Variants in TMEFF2 observed in about 807,000 individuals in gnomAD.
TMEFF2 encodes transmembrane protein with EGF like and two follistatin like domains 2, also known as tomoregulin-2.
TMEFF2 carries 28 observed loss-of-function variants against 53.8 expected under a neutral mutation model. That is an observed-to-expected ratio of 0.52 (90% CI 0.39 to 0.71). TMEFF2 has a LOEUF of 0.71. Among genes scored for constraint, TMEFF2 ranks in the 30% least tolerant of loss-of-function variants. TMEFF2 has a pLI of 0.00. For missense variants in TMEFF2, 353 were observed against 455.2 expected, an observed-to-expected ratio of 0.78 and a Z score of 2.04; for synonymous variants, 162 against 166.3, an observed-to-expected ratio of 0.97 and a Z score of 0.20.
At chr2:192,130,181 G>A (rs951989302) in intron 4 of TMEFF2, among the ~76,000 whole-genome samples, 6 of 151,876 alleles carry the variant, frequency 4.0e-5, no homozygotes, top group Admixed American at 6.6e-5. Context: ...TTCCAGGATT[G>A]CAAATATAAA....
chr2:192,128,922 C>A (rs142526403), intron 4 of TMEFF2, among the ~76,000 whole-genome samples: 1 of 152,294 alleles, frequency 6.6e-6, no homozygotes, highest in African/African-American at 2.4e-5. Context: ...CAAAACTCTC[C>A]AGTGTGTGGC....
chr2:192,160,348 T>C (rs1203618726), intron 4 of TMEFF2, among the ~76,000 whole-genome samples: 2 of 152,198 alleles, frequency 1.3e-5, no homozygotes, highest in Non-Finnish European at 2.9e-5. Context: ...TAATATCCAC[T>C]TTAGTGATAG....
chr2:192,113,451 T>C (rs562023816), intron 4 of TMEFF2, among the ~76,000 whole-genome samples: 1 of 152,264 alleles, frequency 6.6e-6, no homozygotes, highest in South Asian at 2.1e-4. Context: ...ACACTGGTCT[T>C]ATGGTTACGC....
At chr2:192,043,220 T>C (rs1687528252) in intron 5 of TMEFF2, among the ~76,000 whole-genome samples, 2 of 152,164 alleles carry the variant, frequency 1.3e-5, no homozygotes, top group Admixed American at 6.5e-5. Context: ...TCTTACTTGA[T>C]TTGATAAGCA....
intron 4 of TMEFF2, among the ~76,000 whole-genome samples, chr2:192,116,809 A>G (rs1288052590): frequency 6.6e-6 from 1 of 152,064 alleles, no homozygotes. Context: ...TAAGAAATTA[A>G]AGAATCAAGA....
intron 2 of TMEFF2, among the ~76,000 whole-genome samples, chr2:192,188,057 G>A (rs1256533075): frequency 6.6e-6 from 1 of 152,130 alleles, no homozygotes; most frequent in African/African-American, 2.4e-5. Context: ...GGCTTAAGAA[G>A]AATGGCTTGG....
intron 7 of TMEFF2, among the ~76,000 whole-genome samples, chr2:191,994,422 A>G (rs35324604): frequency 0.081 from 12,338 of 151,390 alleles, 670 homozygotes; most frequent in Non-Finnish European, 0.12. Flanking sequence ...TTTTTACTGG[A>G]AAAAATATAG....
intron 5 of TMEFF2, among the ~76,000 whole-genome samples, chr2:192,050,568 G>T (rs1448202025): frequency 6.6e-6 from 1 of 150,740 alleles, no homozygotes; most frequent in Non-Finnish European, 1.5e-5. Context: ...TTATTCATTT[G>T]TCTTCCTGAG....
At chr2:192,116,850 G>A (rs898321814) in intron 4 of TMEFF2, among the ~76,000 whole-genome samples, 1 of 151,988 alleles carries the variant, frequency 6.6e-6, no homozygotes, top group Admixed American at 6.6e-5. Context: ...AAATCTCAGT[G>A]CATCATGTTA....
rs191854209 is a variant in TMEFF2 at position 192,134,956 on chromosome 2, C to T, written c.439+44712G>A. ...AGCCACCAACTTAAAAATGACTGGACAATACTTTTACCACTTTCCCTTCTC... is the reference window on the plus strand; with the variant it reads ...AGCCACCAACTTAAAAATGACTGGATAATACTTTTACCACTTTCCCTTCTC... On this transcript the variant is annotated intron_variant, in intron 4 of 9. Transcript: ENST00000272771. 8.2e-4 allele frequency among the ~76,000 whole-genome samples: 125 copies of T among 152,296 alleles called. 1 individual carries two copies. The highest frequency in any genetic ancestry group is 3.0e-3 in the African/African-American group (123 of 41,570).
chr2:192,081,983 G>A (rs983791164), intron 4 of TMEFF2, among the ~76,000 whole-genome samples: 1 of 151,888 alleles, frequency 6.6e-6, no homozygotes, highest in African/African-American at 2.4e-5. Flanking sequence ...TGTATTTTTA[G>A]TAGAGACAGG....
intron 4 of TMEFF2, 34 bp downstream of exon 4, chr2:192,179,634 T>C (rs1691137536): frequency 6.4e-7 from 1 of 1,561,918 alleles, no homozygotes; most frequent in Non-Finnish European, 8.7e-7. Context: ...TATCCACCAG[T>C]AAATCTTCAA....
intron 5 of TMEFF2, among the ~76,000 whole-genome samples, chr2:192,056,540 C>G (rs139446181): frequency 2.0e-5 from 3 of 151,986 alleles, no homozygotes; most frequent in African/African-American, 7.2e-5. Context: ...TAAGGTGGGA[C>G]GAATACAGTA....
intron 5 of TMEFF2, among the ~76,000 whole-genome samples, chr2:192,021,735 T>G (rs1686864838): frequency 2.0e-5 from 3 of 152,144 alleles, no homozygotes; most frequent in Admixed American, 2.0e-4. Flanking sequence ...GAGAAGAACT[T>G]CAAACTGAAA....
At chr2:192,192,547 T>C (rs1409281324) in intron 1 of TMEFF2, among the ~76,000 whole-genome samples, 3 of 152,198 alleles carry the variant, frequency 2.0e-5, no homozygotes, top group Non-Finnish European at 2.9e-5. Context: ...CAAATGAAGA[T>C]TGATCACCTC....
chr2:192,056,883 AAGTG>A (rs926671064), intron 5 of TMEFF2, among the ~76,000 whole-genome samples: 1 of 152,166 alleles, frequency 6.6e-6, no homozygotes, highest in Non-Finnish European at 1.5e-5. Context: ...TTTTAAGAGA[AAGTG>A]AGCTCTTATC....
chr2:191,998,266 A>C lies in TMEFF2; in HGVS notation c.741T>G (p.Tyr247Ter). 1 of 1,598,890 alleles carries C rather than the reference A, an allele frequency of 6.3e-7. No individual in the cohort carries two copies. ...SEDGHYARTD[Y>*]AENANKLEES... ...GTAGAAGAAAATATTATGTACCTGC[A>C]TAATCTGTTCTTGCATAATGCCCAT... is the stretch of plus-strand genomic sequence containing the variant. The change falls in exon 7 of 10, where the codon TAT (tyrosine) becomes TAG (stop). Residue 247 changes from tyrosine to a stop codon, truncating the protein, a stop_gained. Coordinates refer to ENST00000272771, the MANE Select transcript of TMEFF2 (RefSeq NM_016192.4). LOFTEE classifies it high-confidence loss of function.
At chr2:192,186,339 C>T (rs10194266) in intron 2 of TMEFF2, among the ~76,000 whole-genome samples, 134,310 of 152,046 alleles carry the variant, frequency 0.88, 59,464 homozygotes, top group East Asian at 1. Flanking sequence ...AGCAAAATGC[C>T]TGTAAGATTT....
chr2:192,046,900 C>T (rs539850348), intron 5 of TMEFF2, among the ~76,000 whole-genome samples: 28 of 143,808 alleles, frequency 1.9e-4, no homozygotes, highest in Admixed American at 1.4e-3. Context: ...ATGCAGATAC[C>T]TGTGTTACCT....
Sources: gnomAD v4.1 joint callset for allele counts (sites outside exome capture counted in the v4.1 genomes callset) on GRCh38, gnomAD v4.1.1 for gene constraint, MANE v1.5 for transcripts, NCBI Gene and HGNC (gene_info 2026-07-23, HGNC 2026-07-21) for gene names.